The following ALG14 variants were observed in gnomAD, a reference collection of about 807,000 sequenced individuals.
The protein encoded by ALG14 is ALG14 UDP-N-acetylglucosaminyltransferase subunit.
Under a neutral mutation model 22.8 loss-of-function variants are expected in ALG14, and 17 were observed. That is an observed-to-expected ratio of 0.75 (90% CI 0.51 to 1.12). The LOEUF (loss-of-function observed/expected upper bound fraction) is 1.12. Ranked by LOEUF, ALG14 falls within the 50% of genes most tolerant of loss-of-function variation. ALG14 has a pLI of 0.00. For missense variants in ALG14, 288 were observed against 271.8 expected (o/e 1.06, Z -0.42); for synonymous variants, 89 against 103.7 (o/e 0.86, Z 0.86).
intron 1 of ALG14, among the ~76,000 whole-genome samples, chr1:95,069,320 CCAAAA>C (rs1255202987): frequency 6.6e-6 from 1 of 152,016 alleles, no homozygotes; most frequent in Non-Finnish European, 1.5e-5. Flanking sequence ...AAAACAAAAA[CCAAAA>C]CAAAACTTCA....
intron 2 of ALG14, among the ~76,000 whole-genome samples, chr1:95,048,407 TA>T (rs1239470091): frequency 6.6e-6 from 1 of 152,218 alleles, no homozygotes; most frequent in Non-Finnish European, 1.5e-5. Flanking sequence ...ACTCATGCTG[TA>T]ACAGAAGTTA....
At chr1:95,017,443 T>C (rs1471210503) in intron 3 of ALG14, among the ~76,000 whole-genome samples, 2 of 152,158 alleles carry the variant, frequency 1.3e-5, no homozygotes, top group African/African-American at 4.8e-5. Flanking sequence ...TCCTGCGGTA[T>C]AATCTGATCG....
rs1482435515 is a variant in ALG14, at chr1:95,062,140, A to T, written c.288+2726T>A. The T allele has an allele frequency of 3.3e-5, 5 of 152,158 alleles. No individual in the cohort carries two copies. In the East Asian group the frequency reaches 7.7e-4, roughly 23 times the overall value. 9.4% of individuals were successfully genotyped at this position (152,158 alleles called of 1,614,324 possible). On this transcript the variant is annotated intron_variant, in intron 2 of 3. Transcript: ENST00000370205. Reference sequence around the variant, plus strand: ...ATCAATAAACGTAACACATTGATAGAGAGCTTTAATGAAGAGCCAATAAGC... The same window carrying T: ...ATCAATAAACGTAACACATTGATAGTGAGCTTTAATGAAGAGCCAATAAGC...
chr1:95,011,871 A>G (rs1571603735), intron 3 of ALG14, among the ~76,000 whole-genome samples: 1 of 152,338 alleles, frequency 6.6e-6, no homozygotes, highest in East Asian at 1.9e-4. Flanking sequence ...TTGTATTTTT[A>G]ATGACTTAAA....
chr1:95,054,519 C>T (rs778376941), intron 2 of ALG14, among the ~76,000 whole-genome samples: 7 of 152,134 alleles, frequency 4.6e-5, no homozygotes, highest in Non-Finnish European at 1.0e-4. Flanking sequence ...TTAAATTACC[C>T]GGTCTTGGGT....
rs1389702729 is a variant in ALG14, at chr1:95,012,018, G to C, written c.420+15111C>G. Among the ~76,000 whole-genome samples, 7 of 152,242 alleles carry C rather than the reference G, an allele frequency of 4.6e-5. No homozygotes were observed. In the East Asian group the frequency reaches 1.4e-3, roughly 30 times the overall value. ...TCAAGGGGGTGGTTTCCCCCATATTGTTCTCGTGGTAGTAAGTCTCACAAG... is the reference window on the plus strand; with the variant it reads ...TCAAGGGGGTGGTTTCCCCCATATTCTTCTCGTGGTAGTAAGTCTCACAAG... On this transcript the variant is annotated intron_variant, in intron 3 of 3. Transcript: ENST00000370205.
chr1:95,062,285 C>G (rs1675190386), intron 2 of ALG14: 1 of 152,132 alleles, frequency 6.6e-6, no homozygotes, highest in South Asian at 2.1e-4. Flanking sequence ...ATTAAGCAAC[C>G]ATTTTTTTTC....
At chr1:95,015,630 G>A (rs536309715) in intron 3 of ALG14, among the ~76,000 whole-genome samples, 65 of 152,282 alleles carry the variant, frequency 4.3e-4, no homozygotes, top group South Asian at 1.5e-3. Context: ...GGGCGGGTTT[G>A]GACGGATGTC....
At chr1:95,015,583 G>A (rs1398719959) in intron 3 of ALG14, among the ~76,000 whole-genome samples, 2 of 152,258 alleles carry the variant, frequency 1.3e-5, no homozygotes, top group Non-Finnish European at 2.9e-5. Flanking sequence ...AAGGTTGTTT[G>A]TAAATCAGGT....
intron 3 of ALG14, among the ~76,000 whole-genome samples, chr1:95,000,777 TAAAAAAAAAAA>T (rs56810994): frequency 1.5e-4 from 10 of 65,220 alleles, no homozygotes; most frequent in African/African-American, 3.4e-4. Flanking sequence ...TATGCCACAC[TAAAAAAAAAAA>T]AAAAAAAAAA....
At chr1:95,008,841 C>A (rs1306604257) in intron 3 of ALG14, among the ~76,000 whole-genome samples, 1 of 152,078 alleles carries the variant, frequency 6.6e-6, no homozygotes, top group Non-Finnish European at 1.5e-5. Flanking sequence ...CCTTCTTCAG[C>A]CCCTGGTAAT....
chr1:95,032,295 G>C (rs1218356920), intron 2 of ALG14, among the ~76,000 whole-genome samples: 3 of 152,144 alleles, frequency 2.0e-5, no homozygotes. Flanking sequence ...GGACACAAGG[G>C]GGGTAATTTG....
intron 2 of ALG14, among the ~76,000 whole-genome samples, chr1:95,055,763 C>T (rs1262241581): frequency 3.7e-5 from 5 of 134,490 alleles, no homozygotes; most frequent in South Asian, 2.5e-4. Flanking sequence ...GAGGCCCAGG[C>T]GGGCGGATCA....
At chr1:95,051,879 C>T (rs374936303) in intron 2 of ALG14, among the ~76,000 whole-genome samples, 49 of 152,280 alleles carry the variant, frequency 3.2e-4, no homozygotes, top group African/African-American at 1.1e-3. Context: ...TCTGAATCTT[C>T]CTATTCCCTT....
intron 2 of ALG14, among the ~76,000 whole-genome samples, chr1:95,032,027 T>A (rs1032196001): frequency 1.3e-5 from 2 of 152,096 alleles, no homozygotes; most frequent in Admixed American, 1.3e-4. Flanking sequence ...CAGGCTGGTC[T>A]CCAACTCCGG....
At chr1:95,071,335 G>A (rs1675555542) in intron 1 of ALG14, among the ~76,000 whole-genome samples, 3 of 152,036 alleles carry the variant, frequency 2.0e-5, no homozygotes, top group Non-Finnish European at 4.4e-5. Flanking sequence ...ACTTGAGGTC[G>A]GAAGTTCAAG....
intron 3 of ALG14, among the ~76,000 whole-genome samples, chr1:94,992,819 G>A (rs1436543976): frequency 6.6e-6 from 1 of 152,056 alleles, no homozygotes; most frequent in Non-Finnish European, 1.5e-5. Context: ...ATGTAACACA[G>A]GGGAAATGCT....
chr1:95,000,948 T>G (rs2100734977), intron 3 of ALG14, among the ~76,000 whole-genome samples: 1 of 152,350 alleles, frequency 6.6e-6, no homozygotes, highest in East Asian at 1.9e-4. Flanking sequence ...TCATATTCTT[T>G]GTAAAGAATT....
At chr1:95,046,973 AAACATAACATAACATAACATAACAT>A (rs56232245) in intron 2 of ALG14, among the ~76,000 whole-genome samples, 6,573 of 144,768 alleles carry the variant, frequency 0.045, 167 homozygotes, top group South Asian at 0.062. Flanking sequence ...TCTCACAAAA[AAACATAACATAACATAACATAACAT>A]AACATAACAT....
Sources: allele counts gnomAD v4.1 joint callset (sites outside exome capture counted in the v4.1 genomes callset), GRCh38; gene constraint gnomAD v4.1.1; transcripts MANE v1.5; gene names NCBI Gene and HGNC (gene_info 2026-07-23, HGNC 2026-07-21).